Variants in GADL1 observed in about 807,000 individuals in gnomAD.
GADL1 encodes the protein acidic amino acid decarboxylase GADL1.
GADL1 carries 71 observed loss-of-function variants against 69.5 expected under a neutral mutation model. The observed-to-expected ratio is 1.02, with a 90% CI of 0.84 to 1.25. The LOEUF (loss-of-function observed/expected upper bound fraction) is 1.25. Among genes scored for constraint, GADL1 ranks in the 50% most tolerant of loss-of-function variants. The pLI, the probability that GADL1 is intolerant of heterozygous loss-of-function variation, is 0.00. For missense variants in GADL1, 737 were observed against 631.8 expected (o/e 1.17, Z -1.79); for synonymous variants, 254 against 214.4 (o/e 1.18, Z -1.62).
intron 14 of GADL1, among the ~76,000 whole-genome samples, chr3:30,734,097 T>G (rs1051047357): frequency 6.6e-6 from 1 of 152,212 alleles, no homozygotes; most frequent in African/African-American, 2.4e-5. Flanking sequence ...TGAAATTCTT[T>G]TATTTGCTTT....
chr3:30,837,426 T>C (rs764609256), intron 9 of GADL1, among the ~76,000 whole-genome samples: 18 of 152,120 alleles, frequency 1.2e-4, no homozygotes, highest in Non-Finnish European at 1.9e-4. Flanking sequence ...ATGTATACTA[T>C]GCACAAATAG....
chr3:30,862,968 C>A (rs1698342670), intron 1 of GADL1, among the ~76,000 whole-genome samples: 1 of 151,670 alleles, frequency 6.6e-6, no homozygotes, highest in Admixed American at 6.6e-5. Flanking sequence ...CTCATTCTTG[C>A]AGTCACCTTT....
intron 13 of GADL1, among the ~76,000 whole-genome samples, chr3:30,785,859 T>A (rs988989075): frequency 6.6e-6 from 1 of 152,196 alleles, no homozygotes; most frequent in African/African-American, 2.4e-5. Flanking sequence ...TAGAAAAAAA[T>A]ATTCTCTACA....
At chr3:30,778,515 A>C (rs1292852833) in intron 13 of GADL1, among the ~76,000 whole-genome samples, 1 of 152,206 alleles carries the variant, frequency 6.6e-6, no homozygotes, top group African/African-American at 2.4e-5. Flanking sequence ...AGGAAAAAAC[A>C]GTAAAGTTTG....
chr3:30,739,947 C>T (rs1025649511), intron 14 of GADL1, among the ~76,000 whole-genome samples: 4 of 152,110 alleles, frequency 2.6e-5, no homozygotes, highest in African/African-American at 9.7e-5. Flanking sequence ...TTTTGATTTG[C>T]ACATTTTGAG....
chr3:30,861,756 T>C lies in GADL1; in HGVS notation c.47A>G (p.Asp16Gly), dbSNP rs918638427. ...CTTACTTGGAATCATCTCTTGTTGA[T>C]CAATATCTCCTGGAAGCAAGCAAAC... is the stretch of plus-strand genomic sequence containing the variant. The part of the protein sequence containing the change: ...DRQCPVDGDI[D>G]QQEMIPSKKN... The change falls in exon 2 of 15, where the codon GAT becomes GGT. Residue 16 changes from aspartate to glycine, a missense_variant. Transcript: ENST00000282538. 22 of 1,544,906 alleles carry C rather than the reference T, an allele frequency of 1.4e-5. No individual in the cohort carries two copies. The East Asian group carries it at 5.1e-4, about 36-fold the overall frequency.
chr3:30,754,082 A>G (rs1479681403), intron 14 of GADL1, among the ~76,000 whole-genome samples: 1 of 152,216 alleles, frequency 6.6e-6, no homozygotes, highest in Non-Finnish European at 1.5e-5. Context: ...TTAGTCACAC[A>G]GGCTTTCCTG....
intron 14 of GADL1, among the ~76,000 whole-genome samples, chr3:30,742,726 T>C (rs1503091): frequency 0.045 from 6,865 of 152,168 alleles, 447 homozygotes; most frequent in African/African-American, 0.13. Context: ...ATATATATAG[T>C]TCTAAATATC....
chr3:30,874,339 T>G (rs1698547183), intron 1 of GADL1, among the ~76,000 whole-genome samples: 1 of 151,972 alleles, frequency 6.6e-6, no homozygotes, highest in Admixed American at 6.6e-5. Flanking sequence ...TCACTGCTAC[T>G]GTAATGTTGA....
intron 4 of GADL1, among the ~76,000 whole-genome samples, chr3:30,852,379 G>A (rs1214526244): frequency 2.6e-5 from 4 of 152,104 alleles, no homozygotes; most frequent in Non-Finnish European, 4.4e-5. Flanking sequence ...ACGCATGGTG[G>A]TAGGGGCCTG....
chr3:30,833,156 G>A (rs1232561047), intron 11 of GADL1, among the ~76,000 whole-genome samples: 1 of 152,038 alleles, frequency 6.6e-6, no homozygotes, highest in Non-Finnish European at 1.5e-5. Flanking sequence ...ATCTTGAGGA[G>A]GCATTTCTAA....
At chr3:30,751,811 C>T (rs980913180) in intron 14 of GADL1, among the ~76,000 whole-genome samples, 3 of 152,114 alleles carry the variant, frequency 2.0e-5, no homozygotes, top group African/African-American at 7.2e-5. Flanking sequence ...AGGAAAGTCC[C>T]TTGGAAAGCT....
At chr3:30,770,190 C>T (rs1696386286) in intron 14 of GADL1, among the ~76,000 whole-genome samples, 1 of 152,130 alleles carries the variant, frequency 6.6e-6, no homozygotes, top group South Asian at 2.1e-4. Flanking sequence ...CTCATTTATG[C>T]TACTTGTCTA....
chr3:30,893,453 C>T (rs1698812848), intron 1 of GADL1, among the ~76,000 whole-genome samples: 1 of 152,008 alleles, frequency 6.6e-6, no homozygotes, highest in Non-Finnish European at 1.5e-5. Flanking sequence ...TATATTCACC[C>T]TACTGTGCAA....
intron 1 of GADL1, among the ~76,000 whole-genome samples, chr3:30,878,984 T>C (rs1399776693): frequency 1.3e-5 from 2 of 151,942 alleles, no homozygotes; most frequent in African/African-American, 4.8e-5. Flanking sequence ...CTTCTCTGAA[T>C]ACTTTTCTTG....
rs72851430 is a variant in GADL1, at chr3:30,858,683, G to T, written c.211-1542C>A. Among the ~76,000 whole-genome samples the T allele has an allele frequency of 5.4e-3, 826 of 151,954 alleles. 9 individuals are homozygous for T. The highest frequency in any genetic ancestry group is 0.019 in the African/African-American group (794 of 41,450). The stretch of plus-strand genomic sequence containing the variant: ...GAGGTGAAAGCAGGTTTAGGACAAG[G>T]CACCTTCAGAATATCCAAAAGCTGT... On this transcript the variant is annotated intron_variant, in intron 2 of 14. Coordinates refer to ENST00000282538, the MANE Select transcript of GADL1 (RefSeq NM_207359.3).
chr3:30,832,223 A>G (rs1697804230), intron 11 of GADL1, among the ~76,000 whole-genome samples: 1 of 151,834 alleles, frequency 6.6e-6, no homozygotes, highest in Non-Finnish European at 1.5e-5. Context: ...AAAATTGGCA[A>G]CTTTTTGAAA....
At chr3:30,832,266 C>A (rs1697804617) in intron 11 of GADL1, among the ~76,000 whole-genome samples, 1 of 151,040 alleles carries the variant, frequency 6.6e-6, no homozygotes, top group South Asian at 2.1e-4. Context: ...AATAGAATTC[C>A]CCTAACCTCT....
chr3:30,800,738 G>A (rs1412529712), intron 12 of GADL1, 151 bp downstream of exon 12: 18 of 663,874 alleles, frequency 2.7e-5, no homozygotes, highest in Admixed American at 1.6e-4. Flanking sequence ...ATGCACAAAT[G>A]AAAACATGTA....
Sources: allele counts gnomAD v4.1 joint callset (sites outside exome capture counted in the v4.1 genomes callset), GRCh38; gene constraint gnomAD v4.1.1; transcripts MANE v1.5; gene names NCBI Gene and HGNC (gene_info 2026-07-23, HGNC 2026-07-21).